Variants in CHN2 observed in about 807,000 individuals in gnomAD.
CHN2 encodes the protein chimerin 2, also known as beta-chimaerin.
Under a neutral mutation model 56.3 loss-of-function variants are expected in CHN2, and 35 were observed. The observed-to-expected ratio is 0.62, with a 90% CI of 0.47 to 0.82. CHN2 has a LOEUF of 0.82. CHN2 is among the 40% of genes least tolerant of loss of function. The pLI is 0.00. For synonymous variants in CHN2, 210 were observed against 212.8 expected (o/e 0.99, Z 0.12); for missense variants, 491 against 580.5 (o/e 0.85, Z 1.58).
At chr7:29,184,159 A>G (rs1373142985) in intron 2 of CHN2, among the ~76,000 whole-genome samples, 17 of 111,916 alleles carry the variant, frequency 1.5e-4, no homozygotes, top group African/African-American at 5.8e-4. Context: ...GATGATAGAT[A>G]GATAGATAGA....
chr7:29,304,216 G>A (rs1396795617), intron 1 of CHN2, among the ~76,000 whole-genome samples: 1 of 152,236 alleles, frequency 6.6e-6, no homozygotes, highest in African/African-American at 2.4e-5. Flanking sequence ...CGGTTTAGTA[G>A]AAGTACAAGA....
intron 6 of CHN2, among the ~76,000 whole-genome samples, chr7:29,433,890 G>A (rs1440450569): frequency 6.6e-6 from 1 of 151,372 alleles, no homozygotes; most frequent in African/African-American, 2.4e-5. Flanking sequence ...AGGAAGGGAG[G>A]AAGGGATGAA....
chr7:29,228,157 T>C (rs1027872948), intron 1 of CHN2, among the ~76,000 whole-genome samples: 20 of 150,040 alleles, frequency 1.3e-4, no homozygotes, highest in African/African-American at 3.2e-4. Flanking sequence ...TATATATATA[T>C]ATACACACAC....
intron 6 of CHN2, among the ~76,000 whole-genome samples, chr7:29,403,956 A>C (rs148487651): frequency 6.6e-6 from 1 of 152,308 alleles, no homozygotes; most frequent in East Asian, 1.9e-4. Context: ...TATGTGAACT[A>C]ATTTCCCATT....
chr7:29,414,585 C>T (rs1803546139), intron 6 of CHN2, among the ~76,000 whole-genome samples: 3 of 152,122 alleles, frequency 2.0e-5, no homozygotes. Context: ...TCTTCAAGAG[C>T]TCCTGGTCAC....
intron 1 of CHN2, among the ~76,000 whole-genome samples, chr7:29,208,424 C>T (rs1784679469): frequency 6.6e-6 from 1 of 152,128 alleles, no homozygotes; most frequent in Non-Finnish European, 1.5e-5. Flanking sequence ...TCCTGGCAAC[C>T]CCTAGAGGAA....
At chr7:29,247,589 G>A (rs62444135) in intron 1 of CHN2, among the ~76,000 whole-genome samples, 4,846 of 152,262 alleles carry the variant, frequency 0.032, 117 homozygotes, top group East Asian at 0.1. Flanking sequence ...GAATTTATTT[G>A]TTCTTTCCCC....
intron 6 of CHN2, among the ~76,000 whole-genome samples, chr7:29,445,894 G>A (rs971873211): frequency 1.3e-5 from 2 of 151,952 alleles, no homozygotes; most frequent in African/African-American, 4.8e-5. Flanking sequence ...CTCCAATTAC[G>A]GAATTCCAAG....
chr7:29,511,837 AGATT>A (rs1212387083), intron 12 of CHN2, among the ~76,000 whole-genome samples: 1 of 148,406 alleles, frequency 6.7e-6, no homozygotes, highest in African/African-American at 2.5e-5. Context: ...GGAGATAGAT[AGATT>A]GTAATTTTAT....
intron 1 of CHN2, among the ~76,000 whole-genome samples, chr7:29,269,957 G>A (rs550427693): frequency 1.3e-5 from 2 of 152,224 alleles, no homozygotes; most frequent in South Asian, 4.2e-4. Flanking sequence ...CTGCTTCTGG[G>A]GATTGGAGAA....
At chr7:29,314,782 C>T (rs1794841006) in intron 1 of CHN2, among the ~76,000 whole-genome samples, 1 of 152,090 alleles carries the variant, frequency 6.6e-6, no homozygotes, top group South Asian at 2.1e-4. Flanking sequence ...TGCATTTCCA[C>T]TGAAGGGTGA....
chr7:29,482,797 C>CTTTTTTTTTTTTTTT lies in CHN2; in HGVS notation c.654+2469_654+2483dup, dbSNP rs375120538. 4.4e-4 allele frequency among the ~76,000 whole-genome samples: 28 copies of CTTTTTTTTTTTTTTT among 64,212 alleles called. 5 individuals are homozygous for CTTTTTTTTTTTTTTT. Among genetic ancestry groups the CTTTTTTTTTTTTTTT allele is most frequent in the Non-Finnish European group, 7.0e-4 (24 of 34,260 alleles). The allele number at this position is 64,212 out of a possible 152,430, so 42.1% of individuals were successfully genotyped here. A position where few individuals can be genotyped will look rare whatever the true frequency, so the allele number is the denominator to read the frequency against. On this transcript the variant is annotated intron_variant, in intron 7 of 12. Transcript: ENST00000222792. ...TGCTAGGTGCTGTCTGCACTTTTTT[C>CTTTTTTTTTTTTTTT]TTTTTTTTTTTTTTTTTTTTTTTTT...
At chr7:29,493,650 A>C (rs551900136) in intron 7 of CHN2, among the ~76,000 whole-genome samples, 1 of 152,274 alleles carries the variant, frequency 6.6e-6, no homozygotes, top group African/African-American at 2.4e-5. Context: ...TCTCAGAGTC[A>C]TTCTTGACTC....
At chr7:29,489,348 C>T (rs1788394839) in intron 7 of CHN2, among the ~76,000 whole-genome samples, 1 of 152,154 alleles carries the variant, frequency 6.6e-6, no homozygotes, top group South Asian at 2.1e-4. Flanking sequence ...ATTTTAGTTA[C>T]TGCCCTCAAG....
chr7:29,149,005 A>C (rs1200448246), intron 2 of CHN2, among the ~76,000 whole-genome samples: 2 of 152,060 alleles, frequency 1.3e-5, no homozygotes, highest in Non-Finnish European at 2.9e-5. Context: ...GGCCACCTGC[A>C]CTCAGGTTGA....
In CHN2 at chr7:29,435,227, T is replaced by C. The variant is rs143055793; in HGVS notation, c.576+34399T>C. ...AGAGCCAAATGAGAGAAACCAAAAG[T>C]GAATGGTTTAGGAGAGGAGAGTGAT... On this transcript the variant is annotated intron_variant, in intron 6 of 12. Coordinates refer to ENST00000222792, the MANE Select transcript of CHN2 (RefSeq NM_004067.4). Among the ~76,000 whole-genome samples the C allele has an allele frequency of 3.1e-3, 472 of 152,138 alleles. 3 individuals are homozygous for C. Among genetic ancestry groups the C allele is most frequent in the African/African-American group, 0.011 (449 of 41,496 alleles).
At chr7:29,392,772 T>G (rs1801464490) in intron 3 of CHN2, among the ~76,000 whole-genome samples, 1 of 152,186 alleles carries the variant, frequency 6.6e-6, no homozygotes, top group African/African-American at 2.4e-5. Flanking sequence ...AAACTGTCCA[T>G]TTGACTCTAG....
chr7:29,277,591 A>C (rs987387113), intron 1 of CHN2, among the ~76,000 whole-genome samples: 20 of 152,224 alleles, frequency 1.3e-4, no homozygotes, highest in Non-Finnish European at 2.5e-4. Flanking sequence ...CCTTTCAAGC[A>C]TGGGGAGAAG....
At position 29,512,545 on chromosome 7, in the gene CHN2, C is replaced by CT; in HGVS notation, c.1236-18dup. ...CTCAAGTCTCCATAATGTCTCTGTT[C>CT]TATATGTTTGTTTTGCAGGGTTACT... On this transcript the variant is annotated intron_variant, in intron 12 of 12. Coordinates refer to ENST00000222792, the MANE Select transcript of CHN2 (RefSeq NM_004067.4). 1 of 1,603,382 alleles carries CT rather than the reference C, an allele frequency of 6.2e-7. No homozygotes were observed. The highest frequency in any genetic ancestry group is 1.3e-5 in the African/African-American group (1 of 74,468).
Sources: gnomAD v4.1 joint callset for allele counts (sites outside exome capture counted in the v4.1 genomes callset) on GRCh38, gnomAD v4.1.1 for gene constraint, MANE v1.5 for transcripts, NCBI Gene and HGNC (gene_info 2026-07-23, HGNC 2026-07-21) for gene names.